The following AUNIP variants were observed in gnomAD, a reference collection of about 807,000 sequenced individuals.
AUNIP encodes the protein aurora kinase A and ninein interacting protein.
A neutral mutation model predicts 12.2 loss-of-function variants in AUNIP; 16 were observed. The ratio of observed to expected loss-of-function variants is 1.31; its 90% CI spans 0.88 to 1.99. The LOEUF (loss-of-function observed/expected upper bound fraction) is 1.99. AUNIP is among the 30% of genes most tolerant of loss of function. The pLI, the probability that AUNIP is intolerant of heterozygous loss-of-function variation, is 0.00. For missense variants in AUNIP, 411 were observed against 419.1 expected, an observed-to-expected ratio of 0.98 and a Z score of 0.17; for synonymous variants, 142 against 154.8, an observed-to-expected ratio of 0.92 and a Z score of 0.61.
chr1:25,837,701 G>A (rs2048314711), intron 1 of AUNIP, 147 bp from the exon 2 acceptor site: 2 of 744,312 alleles, frequency 2.7e-6, no homozygotes, highest in Admixed American at 6.3e-5. Flanking sequence ...GTTGGTGCTG[G>A]ACATCATCTT....
chr1:25,840,521 A>G (rs973891373), intron 1 of AUNIP, among the ~76,000 whole-genome samples: 10 of 152,214 alleles, frequency 6.6e-5, no homozygotes, highest in Non-Finnish European at 1.5e-4. Context: ...AAGATAGCCA[A>G]TACGAGATCT....
At chr1:25,853,291 T>G (rs2048436626) in intron 1 of AUNIP, among the ~76,000 whole-genome samples, 1 of 152,294 alleles carries the variant, frequency 6.6e-6, no homozygotes, top group African/African-American at 2.4e-5. Context: ...CCACAAAACT[T>G]AGAAGCTTAA....
chr1:25,848,690 C>G (rs2048404542), intron 1 of AUNIP, among the ~76,000 whole-genome samples: 1 of 152,094 alleles, frequency 6.6e-6, no homozygotes, highest in Non-Finnish European at 1.5e-5. Flanking sequence ...ACAGCATGAC[C>G]TCTATAAGGG....
rs1230337316 is a variant in AUNIP at position 25,847,823 on chromosome 1, T to C, written c.79-10269A>G. Among the ~76,000 whole-genome samples, 2 of 148,100 alleles carry C rather than the reference T, an allele frequency of 1.4e-5. No individual in the cohort carries two copies. The highest frequency in any genetic ancestry group is 5.3e-5 in the African/African-American group (2 of 37,898). On this transcript the variant is annotated intron_variant, in intron 1 of 2. Transcript: ENST00000374298. The surrounding 1 kb of genome is among the most constrained non-coding windows in gnomAD (Gnocchi z 4.2). ...AGCCAGGTACAGTGGCGCATGCCTG[T>C]GGTCCCTGCTACTTGGGAGGCTGAG...
downstream of AUNIP, among the ~76,000 whole-genome samples, chr1:25,833,418 A>G (rs1290018896): frequency 6.6e-6 from 1 of 152,130 alleles, no homozygotes; most frequent in Non-Finnish European, 1.5e-5. Context: ...ACTAAGCCCC[A>G]TACATTCTTA....
At chr1:25,839,767 G>A (rs991449326) in intron 1 of AUNIP, among the ~76,000 whole-genome samples, 1 of 152,052 alleles carries the variant, frequency 6.6e-6, no homozygotes, top group African/African-American at 2.4e-5. Flanking sequence ...GGGTTCAAGC[G>A]ATTCTCCTAC....
At chr1:25,845,701 T>G (rs1490186086) in intron 1 of AUNIP, among the ~76,000 whole-genome samples, 1 of 152,208 alleles carries the variant, frequency 6.6e-6, no homozygotes, top group Non-Finnish European at 1.5e-5. Context: ...AGGTACTCAA[T>G]TCAATAAATA....
At chr1:25,833,117 C>A (rs2048268227), downstream of AUNIP, among the ~76,000 whole-genome samples, 1 of 151,990 alleles carries the variant, frequency 6.6e-6, no homozygotes, top group Admixed American at 6.6e-5. Context: ...TTGCCCTATA[C>A]TCTTTTTCTT....
At chr1:25,855,677 G>A (rs999695095) in intron 1 of AUNIP, among the ~76,000 whole-genome samples, 2 of 152,082 alleles carry the variant, frequency 1.3e-5, no homozygotes, top group African/African-American at 4.8e-5. Flanking sequence ...TAGAGATCAA[G>A]GGGGAAGAGG....
In AUNIP at chr1:25,847,569, A is replaced by C. The variant is rs2048393171; in HGVS notation, c.79-10015T>G. On this transcript the variant is annotated intron_variant, in intron 1 of 2. Transcript: ENST00000374298. The surrounding 1 kb of genome is among the most constrained non-coding windows in gnomAD (Gnocchi z 4.2). ...CATAAACCACCACACCCGACCTTAA[A>C]AAACATTTAAGCAATCCCCTACTAA... 6.6e-6 allele frequency among the ~76,000 whole-genome samples: 1 copy of C among 152,156 alleles called. No homozygotes were observed. Among genetic ancestry groups the C allele is most frequent in the African/African-American group, 2.4e-5 (1 of 41,444 alleles).
Position 25,835,660 on chromosome 1 carries a change from G to C in AUNIP, c.407C>G (p.Ser136Cys), listed in dbSNP as rs145647141. 1 of 1,614,118 alleles carries C rather than the reference G, an allele frequency of 6.2e-7. No homozygotes were observed. The highest frequency in any genetic ancestry group is 1.3e-5 in the African/African-American group (1 of 74,948). ...DIQEAGLSPQ[S>C]LQTSGHHRMK... ...TCTGTGGTGGCCAGAAGTCTGGAGG[G>C]ACTGAGGAGAGAGTCCAGCTTCCTG... is the stretch of plus-strand genomic sequence containing the variant. The change falls in exon 3 of 3, where the codon TCC becomes TGC. Residue 136 changes from serine to cysteine, a missense_variant. Transcript: ENST00000374298.
At chr1:25,856,037 T>C (rs1036349045) in intron 1 of AUNIP, among the ~76,000 whole-genome samples, 13 of 152,166 alleles carry the variant, frequency 8.5e-5, no homozygotes, top group African/African-American at 3.1e-4. Context: ...CACCATAACA[T>C]TGCCAGGGAA....
intron 1 of AUNIP, among the ~76,000 whole-genome samples, chr1:25,846,965 A>G (rs2048387397): frequency 1.3e-5 from 2 of 152,248 alleles, no homozygotes; most frequent in African/African-American, 4.8e-5. Context: ...AATGCAGTGG[A>G]GGAAGAATCC....
Position 25,835,192 on chromosome 1 carries a change from G to C in AUNIP, c.875C>G (p.Ser292Cys). ...GTGGGCAATGACCCGCTGGCCTTGA[G>C]AATCTTCAGTGAAAAGTTGACTCCA... ...DSWSQLFTED[S>C]QGQRVIAHNT... is the part of the protein sequence containing the mutation. Residue 292 changes from serine to cysteine, a missense_variant, in exon 3 of 3, where the codon TCT (serine) becomes TGT (cysteine). Ser to Cys is a moderately radical substitution (Grantham distance 112, BLOSUM62 -1). Transcript: ENST00000374298. 1 of 1,614,172 alleles carries C rather than the reference G, an allele frequency of 6.2e-7. No individual in the cohort carries two copies. The highest frequency in any genetic ancestry group is 8.5e-7 in the Non-Finnish European group (1 of 1,180,034).
chr1:25,843,594 GAA>G (rs769525747), intron 1 of AUNIP, among the ~76,000 whole-genome samples: 1,468 of 31,642 alleles, frequency 0.046, 26 homozygotes, highest in African/African-American at 0.13. Context: ...CTGTCTGTTT[GAA>G]AAAAAAAAAA....
intron 1 of AUNIP, among the ~76,000 whole-genome samples, chr1:25,852,001 G>A (rs1404586609): frequency 6.6e-6 from 1 of 152,146 alleles, no homozygotes; most frequent in African/African-American, 2.4e-5. Flanking sequence ...TACCCAGGCT[G>A]GAGTGCAGTG....
At chr1:25,857,606 T>C (rs926422235) in intron 1 of AUNIP, among the ~76,000 whole-genome samples, 2 of 150,286 alleles carry the variant, frequency 1.3e-5, no homozygotes, top group Non-Finnish European at 3.0e-5. Context: ...CTCAAGCCTG[T>C]AATCTCAGCA....
In AUNIP at chr1:25,858,093, G is replaced by A. The variant is rs141255807; in HGVS notation, c.78+1187C>T. Among the ~76,000 whole-genome samples, 645 of 152,308 alleles carry A rather than the reference G, an allele frequency of 4.2e-3. 6 individuals carry two copies. The highest frequency in any genetic ancestry group is 0.015 in the African/African-American group (616 of 41,556). ...GAGGCAGGAGAATGGCGTGAACCCC[G>A]GAGGTGGGGCTTGCAGGGAACTGAG... On this transcript the variant is annotated intron_variant, in intron 1 of 2. Coordinates refer to ENST00000374298, the MANE Select transcript of AUNIP (RefSeq NM_024037.3).
In AUNIP at chr1:25,834,379, G is replaced by A; in HGVS notation, c.*614C>T. On this transcript the variant is annotated 3_prime_UTR_variant, in exon 3 of 3. Transcript: ENST00000374298. ...GCCTGTAATCTCAGCACTTTGGGAG[G>A]CTGAGGTGGGCGGATCAGGAGGTCA... 1 of 972,540 alleles carries A rather than the reference G, an allele frequency of 1.0e-6. No homozygotes were observed. Among genetic ancestry groups the A allele is most frequent in the East Asian group, 1.1e-4 (1 of 8,738 alleles). The allele number at this position is 972,540 out of a possible 1,614,324, so 60.2% of individuals were successfully genotyped here. A position where few individuals can be genotyped will look rare whatever the true frequency, so the allele number is the denominator to read the frequency against.
Sources: gnomAD v4.1 joint callset for allele counts (sites outside exome capture counted in the v4.1 genomes callset) on GRCh38, gnomAD v4.1.1 for gene constraint, Gnocchi (gnomAD v3.1) non-coding constraint, MANE v1.5 for transcripts, NCBI Gene and HGNC (gene_info 2026-07-23, HGNC 2026-07-21) for gene names.